The following CD44 variants were observed in gnomAD, a reference collection of about 807,000 sequenced individuals.
CD44 encodes CD44 antigen.
In CD44, 49 loss-of-function variants were observed where a neutral mutation model predicts 88.8. The observed-to-expected ratio is 0.55, with a 90% CI of 0.44 to 0.70. CD44 has a LOEUF of 0.70. Among genes scored for constraint, CD44 ranks in the 30% least tolerant of loss-of-function variants. The pLI is 0.00. For missense variants in CD44, 883 were observed against 913.8 expected (o/e 0.97, Z 0.43); for synonymous variants, 325 against 312.3 (o/e 1.04, Z -0.43).
chr11:35,213,316 TC>T (rs1181671534), intron 14 of CD44, among the ~76,000 whole-genome samples: 1 of 152,216 alleles, frequency 6.6e-6, no homozygotes, highest in Non-Finnish European at 1.5e-5. Flanking sequence ...CCAATTCTCA[TC>T]CTTGGTTTTC....
intron 17 of CD44, among the ~76,000 whole-genome samples, chr11:35,228,854 G>A (rs896411822): frequency 8.5e-5 from 13 of 152,144 alleles, no homozygotes; most frequent in Admixed American, 6.5e-4. Context: ...GGTTTGGGGT[G>A]GGGCTGAGAA....
chr11:35,169,385 A>G (rs760888699), intron 1 of CD44, among the ~76,000 whole-genome samples: 1 of 151,380 alleles, frequency 6.6e-6, no homozygotes, highest in Non-Finnish European at 1.5e-5. Flanking sequence ...TTGAAAACCA[A>G]TGAAAACCAG....
chr11:35,201,519 T>C (rs948768383), intron 8 of CD44, 152 bp from the exon 9 acceptor site: 64 of 791,192 alleles, frequency 8.1e-5, no homozygotes, highest in Non-Finnish European at 1.2e-4. Flanking sequence ...TGAGACCAAT[T>C]AGGTAAAGTC....
chr11:35,154,898 A>G (rs780299092), intron 1 of CD44, among the ~76,000 whole-genome samples: 5 of 152,160 alleles, frequency 3.3e-5, no homozygotes, highest in Non-Finnish European at 5.9e-5. Context: ...GAAGTCAATG[A>G]TATTATCAAG....
chr11:35,216,097 G>T (rs1948811544), intron 15 of CD44, among the ~76,000 whole-genome samples: 1 of 151,606 alleles, frequency 6.6e-6, no homozygotes, highest in African/African-American at 2.4e-5. Context: ...AGCCTGGAGG[G>T]CCTTGTATTA....
At chr11:35,204,232 A>G (rs776298449) in intron 9 of CD44, among the ~76,000 whole-genome samples, 1 of 152,248 alleles carries the variant, frequency 6.6e-6, no homozygotes, top group Non-Finnish European at 1.5e-5. Context: ...ATAATAACTC[A>G]TAGAACTATG....
chr11:35,149,250 C>A (rs1458781365), intron 1 of CD44, among the ~76,000 whole-genome samples: 1 of 152,178 alleles, frequency 6.6e-6, no homozygotes, highest in Non-Finnish European at 1.5e-5. Context: ...TTCTTTCGGT[C>A]AATGGTTTGA....
intron 9 of CD44, among the ~76,000 whole-genome samples, chr11:35,202,757 T>C (rs1947434901): frequency 1.3e-5 from 2 of 152,166 alleles, no homozygotes; most frequent in Admixed American, 6.5e-5. Context: ...ATCCAGCAGA[T>C]CTTACATCCC....
chr11:35,153,115 A>T (rs1941395864), intron 1 of CD44, among the ~76,000 whole-genome samples: 1 of 152,178 alleles, frequency 6.6e-6, no homozygotes, highest in Admixed American at 6.5e-5. Context: ...GCTGCAAGTG[A>T]CTTTCCCAAG....
At chr11:35,175,444 G>A (rs1944348509) in intron 1 of CD44, among the ~76,000 whole-genome samples, 1 of 151,596 alleles carries the variant, frequency 6.6e-6, no homozygotes, top group Non-Finnish European at 1.5e-5. Flanking sequence ...ATATGTGTGA[G>A]TATGTATATT....
At chr11:35,207,840 C>T (rs1948023711) in intron 11 of CD44, among the ~76,000 whole-genome samples, 1 of 152,200 alleles carries the variant, frequency 6.6e-6, no homozygotes, top group South Asian at 2.1e-4. Flanking sequence ...CCATCATGCA[C>T]TCATGTGGAG....
Position 35,230,845 on chromosome 11 carries a change from G to A in CD44, c.*1512G>A, listed in dbSNP as rs1243245541. 2.0e-5 allele frequency: 3 copies of A among 152,220 alleles called. No homozygotes were observed. The highest frequency in any genetic ancestry group is 6.5e-5 in the Admixed American group (1 of 15,282). The allele number at this position is 152,220 out of a possible 1,614,324, so 9.4% of individuals were successfully genotyped here. On this transcript the variant is annotated 3_prime_UTR_variant, in exon 18 of 18. Coordinates refer to ENST00000428726, the MANE Select transcript of CD44 (RefSeq NM_000610.4). ...TTGCATCTATAAAGCAACGGCTCCT[G>A]TTAAATGGTATCTCCTTTCTGAGGC...
intron 1 of CD44, among the ~76,000 whole-genome samples, chr11:35,170,334 CCTT>C (rs1358084989): frequency 6.6e-6 from 1 of 152,164 alleles, no homozygotes; most frequent in Non-Finnish European, 1.5e-5. Flanking sequence ...GACAAAAAAA[CCTT>C]CTTTCAGAGC....
chr11:35,139,363 G>A lies in CD44; in HGVS notation c.60G>A (p.Ala20=), dbSNP rs569649364. ...TCTGCCTCGTGCCGCTGAGCCTGGC[G>A]CAGATCGGTGAGTGCCCGCCGCAGC... ...WGLCLVPLSL[A]QIDLNITCRF... is the part of the protein sequence containing the mutation. The change falls in exon 1 of 18, where the codon GCG becomes GCA. Residue 20 remains alanine, a synonymous_variant. Transcript: ENST00000428726. 1.3e-6 allele frequency: 2 copies of A among 1,558,550 alleles called. No individual in the cohort carries two copies. The highest frequency in any genetic ancestry group is 1.9e-5 in the Admixed American group (1 of 51,480).
chr11:35,214,650 C>T (rs1565147761), intron 14 of CD44: 2 of 392,886 alleles, frequency 5.1e-6, no homozygotes, highest in Non-Finnish European at 4.5e-6. Flanking sequence ...TATTAAAGTT[C>T]TAGCTCATTT....
At chr11:35,143,269 T>C (rs1858376669) in intron 1 of CD44, among the ~76,000 whole-genome samples, 1 of 151,732 alleles carries the variant, frequency 6.6e-6, no homozygotes, top group South Asian at 2.1e-4. Context: ...ACCAAAGTTT[T>C]AAAAACCTGA....
In CD44 at chr11:35,180,272, A is replaced by G. The variant is rs1428248878; in HGVS notation, c.234-2A>G. On this transcript the variant is annotated splice_acceptor_variant, in intron 2 of 17. Coordinates refer to ENST00000428726, the MANE Select transcript of CD44 (RefSeq NM_000610.4). LOFTEE classifies it high-confidence loss of function. ...CAATATCCTGTTGTTTTTCTCTTAC[A>G]GGTATGGGTTCATAGAAGGGCACGT... 2 of 1,613,634 alleles carry G rather than the reference A, an allele frequency of 1.2e-6. No individual in the cohort carries two copies. Among genetic ancestry groups the G allele is most frequent in the African/African-American group, 1.3e-5 (1 of 74,880 alleles).
At chr11:35,163,692 T>C (rs1187787701) in intron 1 of CD44, among the ~76,000 whole-genome samples, 2 of 152,154 alleles carry the variant, frequency 1.3e-5, no homozygotes, top group African/African-American at 4.8e-5. Flanking sequence ...CATGGCTACT[T>C]CCTGGGAGGA....
chr11:35,140,992 G>T (rs1857802481), intron 1 of CD44, among the ~76,000 whole-genome samples: 1 of 150,012 alleles, frequency 6.7e-6, no homozygotes. Flanking sequence ...TTGCACTCCA[G>T]CCTGGGTGAC....
Sources: allele counts gnomAD v4.1 joint callset (sites outside exome capture counted in the v4.1 genomes callset), GRCh38; gene constraint gnomAD v4.1.1; transcripts MANE v1.5; gene names NCBI Gene and HGNC (gene_info 2026-07-23, HGNC 2026-07-21).